Variants in CCDC180 observed in about 807,000 individuals in gnomAD.
The protein encoded by CCDC180 is coiled-coil domain-containing protein 180.
In CCDC180, 154 loss-of-function variants were observed where a neutral mutation model predicts 209.2. The ratio of observed to expected loss-of-function variants is 0.74; its 90% CI spans 0.65 to 0.84. The LOEUF is 0.84. CCDC180 is among the 40% of genes least tolerant of loss of function. The pLI is 0.00. For synonymous variants in CCDC180, 778 were observed against 749.1 expected (o/e 1.04, Z -0.63); for missense variants, 1,874 against 1,997.3 (o/e 0.94, Z 1.18).
rs923548117 is a variant in CCDC180, at chr9:97,330,148, T to A, written c.1789-6T>A. The A allele has an allele frequency of 2.3e-5, 37 of 1,613,538 alleles. No homozygotes were observed. Among genetic ancestry groups the A allele is most frequent in the Admixed American group, 6.7e-5 (4 of 59,982 alleles). On this transcript the variant is annotated splice_region_variant and splice_polypyrimidine_tract_variant and intron_variant, in intron 16 of 36. Coordinates refer to ENST00000529487, the MANE Select transcript of CCDC180 (RefSeq NM_020893.6). ...TCCTTCAGTGACTCTTGGTTTTTCC[T>A]TGTAGAACTTGGCTGGAGAAGTCAT...
chr9:97,355,344 T>TG (rs1371466558), intron 24 of CCDC180, among the ~76,000 whole-genome samples: 1 of 151,986 alleles, frequency 6.6e-6, no homozygotes, highest in Non-Finnish European at 1.5e-5. Context: ...TTTGTAGAGA[T>TG]GGGGTCTCCC....
At chr9:97,325,236 C>G (rs1404894379) in intron 14 of CCDC180, 44 bp downstream of exon 14, 4 of 1,541,014 alleles carry the variant, frequency 2.6e-6, no homozygotes. Flanking sequence ...CCACAAACAG[C>G]AATGAACTCA....
In CCDC180 at chr9:97,357,626, G is replaced by C. The variant is rs372346647; in HGVS notation, c.3265-1G>C. On this transcript the variant is annotated splice_acceptor_variant, in intron 24 of 36. Coordinates refer to ENST00000529487, the MANE Select transcript of CCDC180 (RefSeq NM_020893.6). LOFTEE classifies it high-confidence loss of function. ...AAATCTCGGAACCTCTGGTTTTCTA[G>C]GTGGCAAAATCCAATTCGCAAACAA... The C allele has an allele frequency of 1.2e-5, 20 of 1,608,926 alleles. No individual in the cohort carries two copies. The highest frequency in any genetic ancestry group is 1.7e-5 in the Admixed American group (1 of 59,354).
intron 21 of CCDC180, 44 bp from the exon 22 acceptor site, chr9:97,350,365 G>A (rs1367397321): frequency 1.3e-6 from 2 of 1,528,422 alleles, no homozygotes; most frequent in Admixed American, 3.9e-5. Context: ...TGTCCCCCAG[G>A]GTTGTCCCCC....
At chr9:97,332,015 G>A (rs1825767899) in intron 18 of CCDC180, among the ~76,000 whole-genome samples, 1 of 152,092 alleles carries the variant, frequency 6.6e-6, no homozygotes. Flanking sequence ...ATCTTCCAGG[G>A]TTTTTATAGT....
At chr9:97,321,787 A>G (rs1833366491) in intron 11 of CCDC180, among the ~76,000 whole-genome samples, 1 of 152,326 alleles carries the variant, frequency 6.6e-6, no homozygotes, top group East Asian at 1.9e-4. Flanking sequence ...TTGACAAGGA[A>G]GTATCAAGGA....
intron 31 of CCDC180, among the ~76,000 whole-genome samples, chr9:97,368,057 A>C (rs1009086519): frequency 7.2e-5 from 11 of 152,154 alleles, no homozygotes; most frequent in African/African-American, 2.7e-4. Flanking sequence ...AATGCTACAG[A>C]CTGCACCCCT....
chr9:97,332,720 T>A (rs1264308795), intron 18 of CCDC180, among the ~76,000 whole-genome samples: 3 of 152,206 alleles, frequency 2.0e-5, no homozygotes. Context: ...TGTATGTTGC[T>A]TTTGTACTCT....
chr9:97,356,061 A>T (rs1375082399), intron 24 of CCDC180, among the ~76,000 whole-genome samples: 1 of 152,054 alleles, frequency 6.6e-6, no homozygotes, highest in East Asian at 1.9e-4. Flanking sequence ...GGTGGGTAGG[A>T]GTGAGGCAGA....
At position 97,320,295 on chromosome 9, in the gene CCDC180, C is replaced by T; in HGVS notation, c.1159+90C>T. On this transcript the variant is annotated intron_variant, in intron 11 of 36. Coordinates refer to ENST00000529487, the MANE Select transcript of CCDC180 (RefSeq NM_020893.6). ...AAGCTCAGCCAAATGAGTGGCGCCG[C>T]CATCATGGGGAGGAGGGATGGGGGT... 5 of 1,198,182 alleles carry T rather than the reference C, an allele frequency of 4.2e-6. No homozygotes were observed. The Admixed American group carries it at 6.8e-5, about 16-fold the overall frequency. 74.2% of individuals were successfully genotyped at this position (1,198,182 alleles called of 1,614,324 possible).
chr9:97,375,910 A>G (rs1827245310), intron 36 of CCDC180: 3 of 326,382 alleles, frequency 9.2e-6, no homozygotes, highest in Non-Finnish European at 1.7e-5. Context: ...CACGGAAGCA[A>G]TGGTAGCCGT....
At chr9:97,360,255 G>A (rs1039289668) in intron 26 of CCDC180, among the ~76,000 whole-genome samples, 154 bp downstream of exon 26, 3 of 152,114 alleles carry the variant, frequency 2.0e-5, no homozygotes, top group Non-Finnish European at 2.9e-5. Flanking sequence ...AAGATCACAA[G>A]CTGTGAAGTC....
In CCDC180 at chr9:97,366,793, C is replaced by T. The variant is rs548509834; in HGVS notation, c.4189+93C>T. 3.6e-6 allele frequency: 5 copies of T among 1,375,842 alleles called. No homozygotes were observed. The East Asian group carries it at 9.8e-5, about 27-fold the overall frequency. The allele number at this position is 1,375,842 out of a possible 1,614,324, so 85.2% of individuals were successfully genotyped here. On this transcript the variant is annotated intron_variant, in intron 31 of 36. Transcript: ENST00000529487. The surrounding 1 kb of genome is among the most constrained non-coding windows in gnomAD (Gnocchi z 4.3). ...TTGGCCTTGTGGCCTGGATCCTCCC[C>T]TCTGGGGGAGGCAGAAGAGCTTCCC...
intron 8 of CCDC180, 113 bp downstream of exon 8, chr9:97,315,059 A>G (rs1018089685): frequency 6.6e-6 from 5 of 755,438 alleles, no homozygotes; most frequent in Admixed American, 2.4e-5. Context: ...CTTCTCATCT[A>G]TAACGTTTCT....
intron 28 of CCDC180, chr9:97,363,558 C>T (rs1205522546): frequency 1.9e-6 from 1 of 526,142 alleles, no homozygotes. Flanking sequence ...AGAGGGTGCC[C>T]ATCTACACTG....
At chr9:97,326,278 G>A (rs1245553744) in intron 14 of CCDC180, among the ~76,000 whole-genome samples, 1 of 152,136 alleles carries the variant, frequency 6.6e-6, no homozygotes, top group African/African-American at 2.4e-5. Flanking sequence ...GTGGGCGGGT[G>A]TGAGGGCCCT....
intron 28 of CCDC180, chr9:97,363,534 C>A: frequency 1.9e-6 from 1 of 515,220 alleles, no homozygotes; most frequent in Admixed American, 2.0e-5. Flanking sequence ...GTCACTAGGG[C>A]TGCCAGATAA....
At chr9:97,350,269 C>T (rs1292362814) in intron 21 of CCDC180, 140 bp from the exon 22 acceptor site, 3 of 768,654 alleles carry the variant, frequency 3.9e-6, no homozygotes, top group Admixed American at 5.3e-5. Flanking sequence ...ACCACCTGTC[C>T]CTCCTGTGTC....
rs1046653960 is a variant in CCDC180, at chr9:97,377,039, CA to C, written c.*146del. 26 of 862,658 alleles carry C rather than the reference CA, an allele frequency of 3.0e-5. No homozygotes were observed. Among genetic ancestry groups the C allele is most frequent in the Non-Finnish European group, 4.2e-5 (25 of 592,442 alleles). The allele number at this position is 862,658 out of a possible 1,614,324, so 53.4% of individuals were successfully genotyped here. ...CGGGCACTGTAGCTTTACCAGCGAA[CA>C]GGACACAGCATGGTCCCTGCCCACG... is the stretch of plus-strand genomic sequence containing the variant. On this transcript the variant is annotated 3_prime_UTR_variant, in exon 37 of 37. Transcript: ENST00000529487.
Sources: allele counts gnomAD v4.1 joint callset (sites outside exome capture counted in the v4.1 genomes callset), GRCh38; gene constraint gnomAD v4.1.1; non-coding constraint Gnocchi (gnomAD v3.1); transcripts MANE v1.5; gene names NCBI Gene and HGNC (gene_info 2026-07-23, HGNC 2026-07-21).